IPO11: variants seen among roughly 807,000 people sequenced by gnomAD.
IPO11 encodes importin-11.
A neutral mutation model predicts 143.2 loss-of-function variants in IPO11; 66 were observed. The observed-to-expected ratio is 0.46, with a 90% CI of 0.38 to 0.57. The LOEUF is 0.57. Ranked by LOEUF, IPO11 falls within the 20% of genes least tolerant of loss-of-function variation. The pLI, the probability that IPO11 is intolerant of heterozygous loss-of-function variation, is 0.00. For synonymous variants in IPO11, 385 were observed against 377.8 expected, an observed-to-expected ratio of 1.02 and a Z score of -0.22; for missense variants, 1,026 against 1,141.0, an observed-to-expected ratio of 0.90 and a Z score of 1.45.
At position 62,618,914 on chromosome 5, in the gene IPO11, T is replaced by A. The variant is rs185959469; in HGVS notation, c.2764-8240T>A. ...AGAATGTACTATCAGTCTTTTTTTT[T>A]ATGTAGTTTAATTCATTTAATATTA... is the stretch of plus-strand genomic sequence containing the variant. On this transcript the variant is annotated intron_variant, in intron 29 of 29. Coordinates refer to ENST00000325324, the MANE Select transcript of IPO11 (RefSeq NM_016338.5). Among the ~76,000 whole-genome samples the A allele has an allele frequency of 2.9e-3, 439 of 152,302 alleles. 1 individual carries two copies. The highest frequency in any genetic ancestry group is 9.5e-3 in the African/African-American group (395 of 41,558).
chr5:62,526,061 T>C (rs1580284556), intron 20 of IPO11, 81 bp from the exon 21 acceptor site: 1 of 842,658 alleles, frequency 1.2e-6, no homozygotes. Flanking sequence ...GTTTTAGGGC[T>C]TTTTGTATGA....
At chr5:62,438,762 A>AG (rs372334461) in intron 2 of IPO11, among the ~76,000 whole-genome samples, 2 of 150,334 alleles carry the variant, frequency 1.3e-5, no homozygotes, top group African/African-American at 2.4e-5. Flanking sequence ...CAAAAAAAAA[A>AG]GGGGGGGAGC....
At chr5:62,417,572 C>G (rs1195183754) in intron 1 of IPO11, among the ~76,000 whole-genome samples, 7 of 152,074 alleles carry the variant, frequency 4.6e-5, no homozygotes, top group African/African-American at 1.7e-4. Flanking sequence ...TCTCTTTTCT[C>G]TGACCACTTT....
At chr5:62,537,711 G>A (rs1742783765) in intron 24 of IPO11, among the ~76,000 whole-genome samples, 6 of 152,082 alleles carry the variant, frequency 3.9e-5, no homozygotes, top group Admixed American at 3.9e-4. Context: ...TTTAATTTAA[G>A]TTGGCTATCA....
chr5:62,609,384 G>A (rs757956927), intron 29 of IPO11, among the ~76,000 whole-genome samples: 1 of 152,158 alleles, frequency 6.6e-6, no homozygotes, highest in African/African-American at 2.4e-5. Flanking sequence ...AGCCTTCCAT[G>A]GACTAGACGT....
At chr5:62,453,915 A>T (rs1745029136) in intron 5 of IPO11, among the ~76,000 whole-genome samples, 1 of 152,110 alleles carries the variant, frequency 6.6e-6, no homozygotes, top group African/African-American at 2.4e-5. Flanking sequence ...CGAGTGGATC[A>T]TGAGGTCAGG....
intron 29 of IPO11, among the ~76,000 whole-genome samples, chr5:62,606,053 G>T (rs552952315): frequency 1.8e-4 from 28 of 151,754 alleles, no homozygotes; most frequent in East Asian, 5.8e-4. Flanking sequence ...TTATTACTTG[G>T]TTTTTTTTAA....
Position 62,580,123 on chromosome 5 carries a change from A to C in IPO11, c.2583-11454A>C, listed in dbSNP as rs561159484. 1.2e-5 allele frequency: 19 copies of C among 1,551,174 alleles called. No homozygotes were observed. The East Asian group carries it at 4.2e-4, about 34-fold the overall frequency. On this transcript the variant is annotated intron_variant, in intron 27 of 29. Transcript: ENST00000325324. ...ATCAAATGCCTTTGAAGTACTTAAA[A>C]GTCTTAGAAGACTTTCTTTGTCTCA...
At chr5:62,590,917 A>C (rs1744986946) in intron 27 of IPO11, among the ~76,000 whole-genome samples, 1 of 151,940 alleles carries the variant, frequency 6.6e-6, no homozygotes, top group South Asian at 2.1e-4. Context: ...TTAAAAAAAA[A>C]TGTTTTTGTT....
intron 20 of IPO11, among the ~76,000 whole-genome samples, chr5:62,516,037 A>G (rs1165656376): frequency 1.3e-5 from 2 of 152,308 alleles, no homozygotes; most frequent in East Asian, 1.9e-4. Flanking sequence ...ACAGTGAATC[A>G]TAGTCTGGTG....
intron 5 of IPO11, among the ~76,000 whole-genome samples, chr5:62,464,669 C>T (rs1180990229): frequency 5.9e-5 from 9 of 151,710 alleles, no homozygotes; most frequent in African/African-American, 1.9e-4. Context: ...TTATAGAGAC[C>T]GTGTTTCGCC....
intron 28 of IPO11, among the ~76,000 whole-genome samples, chr5:62,599,238 C>T (rs1000887152): frequency 2.6e-5 from 4 of 152,220 alleles, no homozygotes; most frequent in African/African-American, 9.6e-5. Context: ...GACTGGAATA[C>T]TTGGCCTTTG....
chr5:62,580,072 G>A lies in IPO11; in HGVS notation c.2583-11505G>A, dbSNP rs1162823182. Reference sequence around the variant, plus strand: ...TGAAAACCTTGCTTGTTTGTATTTAGGAAGTAATAATTTAACAAAAGTACC... The same window carrying A: ...TGAAAACCTTGCTTGTTTGTATTTAAGAAGTAATAATTTAACAAAAGTACC... On this transcript the variant is annotated intron_variant, in intron 27 of 29. Transcript: ENST00000325324. 2.3e-5 allele frequency: 36 copies of A among 1,550,910 alleles called. No homozygotes were observed. In the Middle Eastern group the frequency reaches 5.0e-4, roughly 22 times the overall value.
chr5:62,484,336 A>G (rs1033196819), intron 11 of IPO11, among the ~76,000 whole-genome samples, 174 bp downstream of exon 11: 1 of 152,194 alleles, frequency 6.6e-6, no homozygotes, highest in Admixed American at 6.5e-5. Flanking sequence ...TGAGAAGCAG[A>G]AAATGAATGA....
chr5:62,580,643 C>A, intron 27 of IPO11: 1 of 1,551,460 alleles, frequency 6.4e-7, no homozygotes, highest in Non-Finnish European at 8.7e-7. Flanking sequence ...ATTAACATTA[C>A]AAATTGTGTT....
intron 3 of IPO11, among the ~76,000 whole-genome samples, chr5:62,447,105 A>G (rs970610086): frequency 6.7e-6 from 1 of 149,278 alleles, no homozygotes; most frequent in Non-Finnish European, 1.5e-5. Context: ...ATAATTATAT[A>G]TATATATTTT....
chr5:62,538,582 A>C (rs1742816770), intron 24 of IPO11, among the ~76,000 whole-genome samples: 1 of 151,974 alleles, frequency 6.6e-6, no homozygotes, highest in Non-Finnish European at 1.5e-5. Flanking sequence ...CCTCCCTTTC[A>C]CCTTCTGCCT....
At chr5:62,475,619 A>G (rs1446199729) in intron 8 of IPO11, among the ~76,000 whole-genome samples, 5 of 152,234 alleles carry the variant, frequency 3.3e-5, no homozygotes, top group South Asian at 2.1e-4. Flanking sequence ...AATATTGTCT[A>G]TAGACTATAT....
chr5:62,567,590 T>G (rs1314530860), intron 27 of IPO11, among the ~76,000 whole-genome samples: 5 of 146,168 alleles, frequency 3.4e-5, no homozygotes, highest in African/African-American at 1.3e-4. Flanking sequence ...AAGATGGAGT[T>G]TCACTCTTGT....
Sources: allele counts gnomAD v4.1 joint callset (sites outside exome capture counted in the v4.1 genomes callset), GRCh38; gene constraint gnomAD v4.1.1; transcripts MANE v1.5; gene names NCBI Gene and HGNC (gene_info 2026-07-23, HGNC 2026-07-21).